Variants in STRN3 observed in about 807,000 individuals in gnomAD.
The protein encoded by STRN3 is striatin 3, also known as striatin-3.
In STRN3, 29 loss-of-function variants were observed where a neutral mutation model predicts 95.6. That is an observed-to-expected ratio of 0.30 (90% CI 0.23 to 0.41). STRN3 has a LOEUF of 0.41. Ranked by LOEUF, STRN3 falls within the 10% of genes least tolerant of loss-of-function variation. STRN3 has a pLI of 1.00. For missense variants in STRN3, 890 were observed against 972.1 expected (o/e 0.92, Z 1.12); for synonymous variants, 331 against 357.6 (o/e 0.93, Z 0.84).
chr14:30,925,095 C>T (rs1448954287), intron 8 of STRN3, among the ~76,000 whole-genome samples: 2 of 152,096 alleles, frequency 1.3e-5, no homozygotes, highest in Non-Finnish European at 2.9e-5. Flanking sequence ...GGTACTGACT[C>T]TTAGAGTACT....
At chr14:30,896,999 T>C (rs1486765832) in intron 16 of STRN3, among the ~76,000 whole-genome samples, 2 of 152,240 alleles carry the variant, frequency 1.3e-5, no homozygotes, top group Non-Finnish European at 2.9e-5. Flanking sequence ...ACTGATTCAC[T>C]AGGCAGGCAA....
intron 8 of STRN3, among the ~76,000 whole-genome samples, chr14:30,919,811 G>C (rs951906806): frequency 6.6e-6 from 1 of 152,092 alleles, no homozygotes; most frequent in African/African-American, 2.4e-5. Flanking sequence ...CTGTTGCCTG[G>C]ATAATTCAGG....
At chr14:30,971,425 G>A (rs2139195576) in intron 1 of STRN3, among the ~76,000 whole-genome samples, 1 of 152,328 alleles carries the variant, frequency 6.6e-6, no homozygotes, top group South Asian at 2.1e-4. Flanking sequence ...TCAAATAGCT[G>A]CAGGATTTGA....
chr14:30,929,209 C>A lies in STRN3; in HGVS notation c.1091G>T (p.Gly364Val). The A allele has an allele frequency of 6.2e-7, 1 of 1,608,392 alleles. No individual in the cohort carries two copies. Among genetic ancestry groups the A allele is most frequent in the Non-Finnish European group, 8.5e-7 (1 of 1,177,562 alleles). Residue 364 changes from glycine (G) to valine (V), a missense_variant, in exon 8 of 18, where the codon GGG becomes GTG. Gly to Val is a moderately radical substitution (Grantham distance 109). Coordinates refer to ENST00000357479, the MANE Select transcript of STRN3 (RefSeq NM_001083893.2). Reference protein sequence around the residue: ...QYKKERKGKKGVKRANRTKLY... With the variant: ...QYKKERKGKKVVKRANRTKLY... ...TCAGAATCTGCACTTACTCTTCACC[C>A]CTTTCTTCCCCTTTCGTTCCTTCTT...
chr14:30,965,872 C>T (rs2139177213), intron 1 of STRN3, among the ~76,000 whole-genome samples: 1 of 151,504 alleles, frequency 6.6e-6, no homozygotes, highest in African/African-American at 2.4e-5. Flanking sequence ...TTCTAAATTT[C>T]TTTTCAAATA....
Position 30,923,051 on chromosome 14 carries a change from TGAGG to T in STRN3, c.1100-3949_1100-3946del, listed in dbSNP as rs368631667. Among the ~76,000 whole-genome samples, 683 of 152,288 alleles carry T rather than the reference TGAGG, an allele frequency of 4.5e-3. 6 individuals are homozygous for T. The highest frequency in any genetic ancestry group is 0.015 in the African/African-American group (640 of 41,572). On this transcript the variant is annotated intron_variant, in intron 8 of 17. Transcript: ENST00000357479. ...TATGAAACAATTTTGTTTTTGTCTT[TGAGG>T]GAGGAGAGAGAATATAACTATTTTG...
At chr14:30,935,413 C>G in intron 6 of STRN3, 109 bp from the exon 7 acceptor site, 1 of 1,273,252 alleles carries the variant, frequency 7.9e-7, no homozygotes, top group Non-Finnish European at 1.1e-6. Context: ...TTACTTGGAT[C>G]AAAAATTTTA....
intron 16 of STRN3, among the ~76,000 whole-genome samples, chr14:30,898,372 T>C (rs932072768): frequency 2.6e-5 from 4 of 152,086 alleles, no homozygotes; most frequent in Non-Finnish European, 5.9e-5. Flanking sequence ...CCAAAAGACT[T>C]TTTTCCAATA....
intron 1 of STRN3, among the ~76,000 whole-genome samples, chr14:31,006,610 A>C (rs1882729167): frequency 6.6e-6 from 1 of 151,732 alleles, no homozygotes; most frequent in Admixed American, 6.6e-5. Flanking sequence ...CAGGAGAATC[A>C]CTTGAACCTG....
chr14:30,914,510 G>A (rs1896687257), intron 9 of STRN3, among the ~76,000 whole-genome samples: 3 of 151,962 alleles, frequency 2.0e-5, no homozygotes, highest in Admixed American at 6.6e-5. Context: ...CCGCCACCAC[G>A]CCCGGCTAAT....
chr14:30,926,876 G>C (rs954586354), intron 8 of STRN3, among the ~76,000 whole-genome samples: 1 of 152,078 alleles, frequency 6.6e-6, no homozygotes, highest in African/African-American at 2.4e-5. Context: ...TTCATATACT[G>C]AGTTCCTCTC....
At chr14:30,978,760 C>A (rs148306227) in intron 1 of STRN3, among the ~76,000 whole-genome samples, 1 of 151,974 alleles carries the variant, frequency 6.6e-6, no homozygotes, top group African/African-American at 2.4e-5. Context: ...AAGCTAGGTG[C>A]GGTGGCTAAC....
At chr14:30,978,096 C>T (rs1291927700) in intron 1 of STRN3, among the ~76,000 whole-genome samples, 1 of 152,048 alleles carries the variant, frequency 6.6e-6, no homozygotes, top group Non-Finnish European at 1.5e-5. Flanking sequence ...GAATGAAATA[C>T]CAATTCTCTA....
chr14:30,936,407 A>C, intron 6 of STRN3, 88 bp downstream of exon 6: 1 of 1,403,212 alleles, frequency 7.1e-7, no homozygotes, highest in Non-Finnish European at 9.6e-7. Flanking sequence ...ATGATCAATC[A>C]CTCCCAATGT....
At chr14:30,987,552 A>T (rs938875520) in intron 1 of STRN3, among the ~76,000 whole-genome samples, 3 of 152,014 alleles carry the variant, frequency 2.0e-5, no homozygotes, top group African/African-American at 7.2e-5. Flanking sequence ...ATTTAAGCTG[A>T]GGCTAGAGAA....
intron 1 of STRN3, among the ~76,000 whole-genome samples, chr14:30,990,570 G>C (rs1225366803): frequency 6.6e-6 from 1 of 152,126 alleles, no homozygotes; most frequent in East Asian, 1.9e-4. Context: ...GGGTGTATAT[G>C]AGTGCCAAAA....
intron 16 of STRN3, among the ~76,000 whole-genome samples, chr14:30,899,966 A>G (rs1896260273): frequency 6.6e-6 from 1 of 152,230 alleles, no homozygotes; most frequent in Admixed American, 6.5e-5. Context: ...TTATAAAGTA[A>G]TACTCTATTA....
intron 1 of STRN3, among the ~76,000 whole-genome samples, chr14:31,022,333 T>C (rs1209883910): frequency 6.7e-6 from 1 of 149,022 alleles, no homozygotes; most frequent in Non-Finnish European, 1.5e-5. Flanking sequence ...TGAGCCAAGA[T>C]GGTGCCACTG....
At chr14:31,014,266 G>C (rs1463259095) in intron 1 of STRN3, among the ~76,000 whole-genome samples, 1 of 152,054 alleles carries the variant, frequency 6.6e-6, no homozygotes. Flanking sequence ...TGTTGCCCAA[G>C]CTGGAGTGCA....
Sources: gnomAD v4.1 joint callset for allele counts (sites outside exome capture counted in the v4.1 genomes callset) on GRCh38, gnomAD v4.1.1 for gene constraint, MANE v1.5 for transcripts, NCBI Gene and HGNC (gene_info 2026-07-23, HGNC 2026-07-21) for gene names.